Variants in DMC1 observed in about 807,000 individuals in gnomAD.
DMC1 encodes DNA meiotic recombinase 1.
Under a neutral mutation model 50.1 loss-of-function variants are expected in DMC1, and 27 were observed. The observed-to-expected ratio is 0.54, with a 90% CI of 0.40 to 0.74. The LOEUF is 0.74. Ranked by LOEUF, DMC1 falls within the 30% of genes least tolerant of loss-of-function variation. The probability of loss-of-function intolerance (pLI) is 0.00; values close to 1 mark genes in which losing one functional copy is unlikely to be tolerated. For missense variants in DMC1, 295 were observed against 420.2 expected (o/e 0.70, Z 2.60); for synonymous variants, 148 against 136.1 (o/e 1.09, Z -0.61).
downstream of DMC1, among the ~76,000 whole-genome samples, chr22:38,518,318 T>C (rs749464964): frequency 1.3e-5 from 2 of 152,202 alleles, no homozygotes; most frequent in Non-Finnish European, 2.9e-5. Flanking sequence ...ACACTGCTTA[T>C]GAATTAATTA....
chr22:38,538,413 C>T lies in DMC1; in HGVS notation c.661-4G>A. ...GTGCCATTATTGAATCGATAATCTA[C>T]ACAGGATTAATGTAAAAATAAACAT... On this transcript the variant is annotated splice_region_variant and splice_polypyrimidine_tract_variant and intron_variant, in intron 10 of 13. Coordinates refer to ENST00000216024, the MANE Select transcript of DMC1 (RefSeq NM_007068.4). 1 of 1,613,400 alleles carries T rather than the reference C, an allele frequency of 6.2e-7. No individual in the cohort carries two copies. The highest frequency in any genetic ancestry group is 1.1e-5 in the South Asian group (1 of 91,066).
chr22:38,562,169 C>A, intron 5 of DMC1, 118 bp downstream of exon 5: 2 of 710,144 alleles, frequency 2.8e-6, no homozygotes, highest in Non-Finnish European at 4.8e-6. Flanking sequence ...CAAACAAACC[C>A]AAACTTCAAA....
rs2145756182 is a variant in DMC1, at chr22:38,519,760, C to CTA, written c.*258_*259dup. On this transcript the variant is annotated 3_prime_UTR_variant, in exon 14 of 14. Coordinates refer to ENST00000216024, the MANE Select transcript of DMC1 (RefSeq NM_007068.4). Reference sequence around the variant, plus strand: ...AGAGAATTTCAATAGGTATATATATCTACTATATATGTCAGGTATACACAC... The same window carrying CTA: ...AGAGAATTTCAATAGGTATATATATCTATACTATATATGTCAGGTATACACAC... The CTA allele has an allele frequency of 2.4e-6, 1 of 422,454 alleles. No individual in the cohort carries two copies. Among genetic ancestry groups the CTA allele is most frequent in the Admixed American group, 3.5e-5 (1 of 28,518 alleles). The allele number at this position is 422,454 out of a possible 1,614,324, so 26.2% of individuals were successfully genotyped here.
At chr22:38,512,085 C>T in the DMC1 span, among the ~76,000 whole-genome samples, 6 of 152,064 alleles carry the variant, frequency 3.9e-5, no homozygotes, top group South Asian at 2.1e-4. Flanking sequence ...AGAGATTCAC[C>T]CGCCTCAACC....
chr22:38,532,294 G>T, intron 12 of DMC1, among the ~76,000 whole-genome samples: 1 of 151,410 alleles, frequency 6.6e-6, no homozygotes, highest in Non-Finnish European at 1.5e-5. Flanking sequence ...ATTTTGAGTT[G>T]AATGGACATC....
chr22:38,532,698 C>T (rs892419201), intron 12 of DMC1, among the ~76,000 whole-genome samples: 11 of 151,992 alleles, frequency 7.2e-5, no homozygotes, highest in South Asian at 2.1e-4. Context: ...TGGCTCACTG[C>T]AGCCTTGACC....
intron 12 of DMC1, among the ~76,000 whole-genome samples, chr22:38,530,023 TCA>T (rs1569155592): frequency 6.6e-6 from 1 of 152,232 alleles, no homozygotes; most frequent in East Asian, 1.9e-4. Flanking sequence ...TGGAGTGCAG[TCA>T]CATGATCTCA....
intron 12 of DMC1, among the ~76,000 whole-genome samples, chr22:38,523,520 A>G (rs147581397): frequency 2.5e-4 from 38 of 152,280 alleles, no homozygotes; most frequent in African/African-American, 8.9e-4. Flanking sequence ...CTTTAGTACT[A>G]TTATTTATTT....
chr22:38,554,456 A>AC (rs1028909550), intron 6 of DMC1, among the ~76,000 whole-genome samples: 11 of 152,060 alleles, frequency 7.2e-5, no homozygotes, highest in African/African-American at 2.4e-4. Flanking sequence ...AAAAAAAAAA[A>AC]AAAAACAGAT....
rs144952568 is a variant in DMC1, at chr22:38,566,734, G to A, written c.99C>T (p.Asn33=). ...DIDLLQKHGI[N]VADIKKLKSV... ...ATTTCAGTTTCTTAATGTCAGCCACGTTCTGTAAATTAAAGAATGGGCACA... is the reference window on the plus strand; with the variant it reads ...ATTTCAGTTTCTTAATGTCAGCCACATTCTGTAAATTAAAGAATGGGCACA... The change falls in exon 4 of 14, where the codon AAC becomes AAT. Residue 33 remains asparagine, a splice_region_variant and synonymous_variant. Coordinates refer to ENST00000216024, the MANE Select transcript of DMC1 (RefSeq NM_007068.4). 1.7e-5 allele frequency: 28 copies of A among 1,613,718 alleles called. No homozygotes were observed. The African/African-American group carries it at 1.9e-4, about 11-fold the overall frequency.
intron 4 of DMC1, among the ~76,000 whole-genome samples, chr22:38,566,278 A>T (rs1396567911): frequency 6.6e-6 from 1 of 151,892 alleles, no homozygotes; most frequent in East Asian, 1.9e-4. Context: ...GTCTCAGAAA[A>T]AAAAAAAAAA....
intron 5 of DMC1, among the ~76,000 whole-genome samples, chr22:38,561,628 A>C (rs1028842847): frequency 2.0e-5 from 3 of 152,244 alleles, no homozygotes; most frequent in Non-Finnish European, 4.4e-5. Context: ...TGAGCTATCA[A>C]TTAGACGTTC....
downstream of DMC1, among the ~76,000 whole-genome samples, chr22:38,515,225 C>T (rs2089968535): frequency 2.0e-5 from 3 of 150,924 alleles, no homozygotes; most frequent in Admixed American, 6.6e-5. Flanking sequence ...CGCCTGTAAT[C>T]GCAGCACTTT....
At chr22:38,509,205 C>G in the DMC1 span, among the ~76,000 whole-genome samples, 2 of 152,092 alleles carry the variant, frequency 1.3e-5, no homozygotes, top group African/African-American at 4.8e-5. Flanking sequence ...TCAGGATATA[C>G]AAGTTTGTTA....
intron 12 of DMC1, among the ~76,000 whole-genome samples, chr22:38,531,129 G>A (rs1165230540): frequency 1.3e-5 from 2 of 152,166 alleles, no homozygotes; most frequent in Non-Finnish European, 2.9e-5. Flanking sequence ...ATGTTCTACG[G>A]TGACTTTTTG....
At chr22:38,537,959 A>G (rs760975148) in intron 11 of DMC1, among the ~76,000 whole-genome samples, 5 of 152,120 alleles carry the variant, frequency 3.3e-5, no homozygotes, top group Admixed American at 6.6e-5. Context: ...CCTGGCCAAC[A>G]TGGTGAAACC....
At chr22:38,509,383 G>C in the DMC1 span, among the ~76,000 whole-genome samples, 1 of 152,052 alleles carries the variant, frequency 6.6e-6, no homozygotes, top group Non-Finnish European at 1.5e-5. Flanking sequence ...CCTCTTCTGG[G>C]TCTTTGATAG....
rs772683040 is a variant in DMC1, at chr22:38,554,168, C to T, written c.379+1189G>A. On this transcript the variant is annotated intron_variant, in intron 6 of 13. Transcript: ENST00000216024. ...AATAAATGAAAATAAAATAAAGACCCCACCACAGGAAAGAAAGCCTGGGGT... is the reference window on the plus strand; with the variant it reads ...AATAAATGAAAATAAAATAAAGACCTCACCACAGGAAAGAAAGCCTGGGGT... Among the ~76,000 whole-genome samples the T allele has an allele frequency of 5.3e-5, 8 of 151,708 alleles. 1 individual carries two copies. The highest frequency in any genetic ancestry group is 1.0e-4 in the Non-Finnish European group (7 of 67,922).
intron 11 of DMC1, among the ~76,000 whole-genome samples, chr22:38,538,006 T>A (rs1008196584): frequency 6.6e-6 from 1 of 151,932 alleles, no homozygotes; most frequent in Non-Finnish European, 1.5e-5. Flanking sequence ...TGGCCTGGTG[T>A]GATGGCAGGT....
Sources: gnomAD v4.1 joint callset for allele counts (sites outside exome capture counted in the v4.1 genomes callset) on GRCh38, gnomAD v4.1.1 for gene constraint, MANE v1.5 for transcripts, NCBI Gene and HGNC (gene_info 2026-07-23, HGNC 2026-07-21) for gene names.